Variants in EIF2D observed in about 807,000 individuals in gnomAD.
EIF2D encodes eukaryotic translation initiation factor 2D.
Under a neutral mutation model 77.4 loss-of-function variants are expected in EIF2D, and 56 were observed. The observed-to-expected ratio is 0.72, with a 90% confidence interval of 0.58 to 0.90. The LOEUF is 0.90. EIF2D is among the 40% of genes least tolerant of loss of function. The pLI is 0.00. For synonymous variants in EIF2D, 230 were observed against 271.0 expected (o/e 0.85, Z 1.49); for missense variants, 574 against 706.5 (o/e 0.81, Z 2.13).
At chr1:206,605,379 C>G in intron 5 of EIF2D, 21 bp downstream of exon 5, 6 of 1,603,454 alleles carry the variant, frequency 3.7e-6, no homozygotes, top group Non-Finnish European at 4.3e-6. Context: ...CTCTGTAAAA[C>G]AGAAGAAACT....
At chr1:206,578,233 A>AGTGTGT (rs58059864) in intron 4 of EIF2D, among the ~76,000 whole-genome samples, 13,948 of 117,310 alleles carry the variant, frequency 0.12, 745 homozygotes, top group Non-Finnish European at 0.14. Flanking sequence ...AAAAAAAAAA[A>AGTGTGT]GTGTGTGTGT....
intron 4 of EIF2D, among the ~76,000 whole-genome samples, chr1:206,580,093 G>A (rs570827322): frequency 6.6e-6 from 1 of 152,322 alleles, no homozygotes; most frequent in South Asian, 2.1e-4. Context: ...AGTCAGCCCT[G>A]GAAGGCAGAG....
At chr1:206,581,582 GAGGGAGACGAAAGA>G (rs1668876002) in intron 2 of EIF2D, among the ~76,000 whole-genome samples, 1 of 151,694 alleles carries the variant, frequency 6.6e-6, no homozygotes, top group Non-Finnish European at 1.5e-5. Context: ...CTGGGTGACA[GAGGGAGACGAAAGA>G]AAAGAAAGAA....
chr1:206,598,192 C>A (rs2102284013), intron 11 of EIF2D, among the ~76,000 whole-genome samples: 1 of 151,698 alleles, frequency 6.6e-6, no homozygotes, highest in Non-Finnish European at 1.5e-5. Flanking sequence ...CATGCCCTAC[C>A]ATGCCCGGCT....
intron 4 of EIF2D, among the ~76,000 whole-genome samples, chr1:206,578,136 G>C (rs782310505): frequency 2.0e-5 from 3 of 150,998 alleles, no homozygotes; most frequent in Non-Finnish European, 4.4e-5. Flanking sequence ...TGAGGCAGGA[G>C]GATTGCTTGA....
chr1:206,583,639 T>C (rs782685221), intron 2 of EIF2D: 5 of 452,842 alleles, frequency 1.1e-5, no homozygotes, highest in Admixed American at 3.5e-5. Flanking sequence ...TGAGCTTCAG[T>C]GTAAACTAAG....
In EIF2D at chr1:206,579,629, G is replaced by T. The variant is rs1340914902; in HGVS notation, c.*254+1063C>A. On this transcript the variant is annotated intron_variant and NMD_transcript_variant, in intron 4 of 5. Transcript: ENST00000472709. The surrounding 1 kb of genome is among the most constrained non-coding windows in gnomAD (Gnocchi z 4.2). ...GGGTCTGTCTATTTCAGTTCTTTTC[G>T]AATGTTGCTGCGAATTAAAATCAAC... Among the ~76,000 whole-genome samples the T allele has an allele frequency of 6.6e-6, 1 of 152,078 alleles. No homozygotes were observed. Among genetic ancestry groups the T allele is most frequent in the Non-Finnish European group, 1.5e-5 (1 of 68,028 alleles).
At chr1:206,598,525 GA>G (rs1198374799) in intron 11 of EIF2D, among the ~76,000 whole-genome samples, 4 of 152,078 alleles carry the variant, frequency 2.6e-5, no homozygotes, top group African/African-American at 9.7e-5. Flanking sequence ...AAAATAGCTA[GA>G]AAAGAGGACT....
chr1:206,587,237 C>T (rs1211427429), downstream of EIF2D: 12 of 434,478 alleles, frequency 2.8e-5, no homozygotes, highest in Non-Finnish European at 4.7e-5. Flanking sequence ...CGTCCTCTCT[C>T]GATCTGCAAG....
downstream of EIF2D, chr1:206,589,343 G>A (rs115802123): frequency 0.017 from 2,616 of 152,864 alleles, 45 homozygotes; most frequent in South Asian, 0.073. Context: ...GAGAGAGGGT[G>A]AGAATGGACA....
intron 2 of EIF2D, chr1:206,583,223 CCT>C (rs782756989): frequency 7.7e-7 from 1 of 1,301,162 alleles, no homozygotes; most frequent in South Asian, 1.2e-5. Flanking sequence ...CCTTTCTCAC[CCT>C]GAGAACTACT....
chr1:206,612,018 C>G (rs868954673), intron 1 of EIF2D, among the ~76,000 whole-genome samples: 2 of 152,234 alleles, frequency 1.3e-5, no homozygotes, highest in African/African-American at 4.8e-5. Context: ...GCATTCTCCA[C>G]AACACCTTAA....
Position 206,602,978 on chromosome 1 carries a change from C to T in EIF2D, c.757G>A (p.Asp253Asn), listed in dbSNP as rs1278603970. The change falls in exon 6 of 15, where the codon GAC becomes AAC. Residue 253 changes from aspartate (D) to asparagine (N), a missense_variant. Physicochemically the swap from Asp to Asn is conservative, Grantham distance 23. Coordinates refer to ENST00000271764, the MANE Select transcript of EIF2D (RefSeq NM_006893.3). ...TGAAGCGTTTTGCTATCTGTGGAGT[C>T]TTGGTTCAGGCCCCTGGTGCTGGTG... ...EDTSTRGLNQ[D>N]STDSKTLQEQ... The T allele has an allele frequency of 6.2e-7, 1 of 1,614,004 alleles. No individual in the cohort carries two copies. The highest frequency in any genetic ancestry group is 8.5e-7 in the Non-Finnish European group (1 of 1,180,030).
At chr1:206,593,506 AGAGTGT>A (rs1669479550) in intron 14 of EIF2D, 107 bp downstream of exon 14, 23 of 442,656 alleles carry the variant, frequency 5.2e-5, no homozygotes, top group East Asian at 2.5e-4. Flanking sequence ...AGAGAGAGAG[AGAGTGT>A]GTGTGTGTGT....
downstream of EIF2D, among the ~76,000 whole-genome samples, chr1:206,569,273 G>GAACCAT (rs1668374326): frequency 1.3e-5 from 2 of 152,214 alleles, no homozygotes; most frequent in Admixed American, 1.3e-4. Context: ...AAAGACTGTG[G>GAACCAT]GCTCAGAGCA....
chr1:206,611,283 T>C lies in EIF2D; in HGVS notation c.148A>G (p.Ile50Val). 1 of 1,614,232 alleles carries C rather than the reference T, an allele frequency of 6.2e-7. No individual in the cohort carries two copies. Among genetic ancestry groups the C allele is most frequent in the Non-Finnish European group, 8.5e-7 (1 of 1,180,046 alleles). ...ELVPGKEELNIVKLYAHKGDA... is the reference protein window; with the variant it reads ...ELVPGKEELNVVKLYAHKGDA... ...CCTTTGTGAGCATACAACTTCACAATGTTGAGCTCCTCCTTTCCAGGTACT... is the reference window on the plus strand; with the variant it reads ...CCTTTGTGAGCATACAACTTCACAACGTTGAGCTCCTCCTTTCCAGGTACT... The change falls in exon 2 of 15, where the codon ATT becomes GTT. Residue 50 changes from isoleucine (I) to valine (V), a missense_variant. By Grantham distance (29) the Ile-to-Val change is conservative. Coordinates refer to ENST00000271764, the MANE Select transcript of EIF2D (RefSeq NM_006893.3).
rs1277179664 is a variant in EIF2D, at chr1:206,607,244, G to A, written c.422+992C>T. The stretch of plus-strand genomic sequence containing the variant: ...AAAGAAAACGTCCACACTATATTAA[G>A]TGAAAAAATAACACATACACAGTAT... On this transcript the variant is annotated intron_variant, in intron 4 of 14. Transcript: ENST00000271764. Among the ~76,000 whole-genome samples the A allele has an allele frequency of 3.3e-5, 5 of 152,200 alleles. No homozygotes were observed. The South Asian group carries it at 8.3e-4, about 25-fold the overall frequency.
intron 4 of EIF2D, among the ~76,000 whole-genome samples, chr1:206,573,272 G>A (rs1181900177): frequency 1.3e-5 from 2 of 152,144 alleles, no homozygotes; most frequent in Non-Finnish European, 2.9e-5. Context: ...TCAATCCCGT[G>A]AGGCAATAAA....
intron 14 of EIF2D, 129 bp downstream of exon 14, chr1:206,593,490 A>C (rs113332386): frequency 0.041 from 9,650 of 236,368 alleles, 101 homozygotes; most frequent in African/African-American, 0.089. Context: ...AGAGAGAGCG[A>C]GAGAGAGAGA....
Sources: gnomAD v4.1 joint callset for allele counts (sites outside exome capture counted in the v4.1 genomes callset) on GRCh38, gnomAD v4.1.1 for gene constraint, Gnocchi (gnomAD v3.1) non-coding constraint, MANE v1.5 for transcripts, NCBI Gene and HGNC (gene_info 2026-07-23, HGNC 2026-07-21) for gene names.